RBFOX1: variants seen among roughly 807,000 people sequenced by gnomAD.
RBFOX1 encodes RNA binding fox-1 homolog 1, also known as RNA binding protein fox-1 homolog 1.
Under a neutral mutation model 57.7 loss-of-function variants are expected in RBFOX1, and 8 were observed. The ratio of observed to expected loss-of-function variants is 0.14; its 90% CI spans 0.08 to 0.25. The LOEUF (loss-of-function observed/expected upper bound fraction) is 0.25, where lower values mean the gene tolerates loss of function less well. RBFOX1 is among the 10% of genes least tolerant of loss of function. The pLI is 1.00. For synonymous variants in RBFOX1, 326 were observed against 222.4 expected (o/e 1.47, Z -4.15); for missense variants, 611 against 548.5 (o/e 1.11, Z -1.14).
chr16:5,526,921 C>G (rs2044272004), intron 2 of RBFOX1, among the ~76,000 whole-genome samples: 1 of 152,214 alleles, frequency 6.6e-6, no homozygotes, highest in Non-Finnish European at 1.5e-5. Context: ...GCCTCTCTAA[C>G]CCTTGGTTTC....
chr16:6,770,328 A>G (rs1227484879), intron 3 of RBFOX1, among the ~76,000 whole-genome samples: 2 of 152,170 alleles, frequency 1.3e-5, no homozygotes, highest in East Asian at 1.9e-4. Context: ...CAAATAATGT[A>G]TTTAATGCAA....
intron 4 of RBFOX1, among the ~76,000 whole-genome samples, chr16:7,509,183 A>G (rs928515009): frequency 6.6e-6 from 1 of 152,220 alleles, no homozygotes; most frequent in African/African-American, 2.4e-5. Flanking sequence ...GAAAGGAGAA[A>G]GCAAGACCCC....
At position 6,579,179 on chromosome 16, in the gene RBFOX1, T is replaced by C. The variant is rs969708592; in HGVS notation, c.-63-75424T>C. Reference sequence around the variant, plus strand: ...GCCAAGCTGTTCATGCTTAGTTCTGTTTTTGTTTTGTTTTCTTTTTTGTTA... The same window carrying C: ...GCCAAGCTGTTCATGCTTAGTTCTGCTTTTGTTTTGTTTTCTTTTTTGTTA... On this transcript the variant is annotated intron_variant, in intron 2 of 15. Coordinates refer to ENST00000550418, the MANE Select transcript of RBFOX1 (RefSeq NM_018723.4). 4.6e-5 allele frequency among the ~76,000 whole-genome samples: 7 copies of C among 152,260 alleles called. No homozygotes were observed. In the South Asian group the frequency reaches 1.4e-3, roughly 32 times the overall value.
intron 3 of RBFOX1, among the ~76,000 whole-genome samples, chr16:6,907,666 G>C (rs897053526): frequency 6.6e-6 from 1 of 152,156 alleles, no homozygotes; most frequent in Non-Finnish European, 1.5e-5. Context: ...TGCCTCCTGG[G>C]TTCAAGCAAT....
At chr16:6,866,846 G>T (rs1304295679) in intron 3 of RBFOX1, among the ~76,000 whole-genome samples, 3 of 151,964 alleles carry the variant, frequency 2.0e-5, no homozygotes, top group South Asian at 2.1e-4. Flanking sequence ...CCAGCTAAAG[G>T]TTAGGGTTTT....
At chr16:6,556,481 G>A (rs1452061768) in intron 2 of RBFOX1, among the ~76,000 whole-genome samples, 1 of 152,126 alleles carries the variant, frequency 6.6e-6, no homozygotes, top group Non-Finnish European at 1.5e-5. Flanking sequence ...CGCCTCTGAG[G>A]TCTCATTTGT....
intron 4 of RBFOX1, among the ~76,000 whole-genome samples, chr16:5,918,096 A>T (rs2058747787): frequency 6.6e-6 from 1 of 152,262 alleles, no homozygotes; most frequent in African/African-American, 2.4e-5. Flanking sequence ...AGTTCTCTTA[A>T]CACAACTGCA....
rs141234330 is a variant in RBFOX1 at position 6,970,150 on chromosome 16, C to T, written c.-15-81907C>T. ...CTATGATGGTGTCACTGCATTCCAG[C>T]CTGGGCAACAGAACAAGACTCTGGG... On this transcript the variant is annotated intron_variant, in intron 3 of 15. Coordinates refer to ENST00000550418, the MANE Select transcript of RBFOX1 (RefSeq NM_018723.4). Among the ~76,000 whole-genome samples, 43 of 151,772 alleles carry T rather than the reference C, an allele frequency of 2.8e-4. 1 individual carries two copies. The highest frequency in any genetic ancestry group is 1.6e-3 in the Admixed American group (25 of 15,212).
At chr16:5,339,915 A>G (rs1222385639) in intron 1 of RBFOX1, among the ~76,000 whole-genome samples, 1 of 152,096 alleles carries the variant, frequency 6.6e-6, no homozygotes, top group Non-Finnish European at 1.5e-5. Context: ...CCCGTTCCCA[A>G]AGCTTGGGTG....
chr16:6,792,402 T>C (rs1233707202), intron 3 of RBFOX1, among the ~76,000 whole-genome samples: 1 of 152,226 alleles, frequency 6.6e-6, no homozygotes, highest in Non-Finnish European at 1.5e-5. Flanking sequence ...TTTTTTGATT[T>C]AGCAAATAGG....
At chr16:5,949,579 A>G (rs1177367812) in intron 4 of RBFOX1, among the ~76,000 whole-genome samples, 2 of 151,332 alleles carry the variant, frequency 1.3e-5, no homozygotes, top group African/African-American at 4.9e-5. Context: ...AAGATAATAC[A>G]TTGCATTTGG....
intron 2 of RBFOX1, among the ~76,000 whole-genome samples, chr16:5,548,988 A>G (rs571924382): frequency 1.5e-4 from 23 of 152,190 alleles, no homozygotes; most frequent in Non-Finnish European, 2.6e-4. Context: ...AGATAAGGTG[A>G]TTTTATTGGA....
At chr16:7,329,913 T>C (rs746000008) in intron 4 of RBFOX1, among the ~76,000 whole-genome samples, 18 of 152,204 alleles carry the variant, frequency 1.2e-4, no homozygotes, top group Non-Finnish European at 2.5e-4. Context: ...GATTCTTTTA[T>C]ATATAAGCAT....
At chr16:5,652,363 G>T (rs2049269958) in intron 3 of RBFOX1, among the ~76,000 whole-genome samples, 1 of 152,234 alleles carries the variant, frequency 6.6e-6, no homozygotes, top group Non-Finnish European at 1.5e-5. Context: ...GATCTTGGAA[G>T]TGAATGCAGA....
At chr16:5,470,202 T>C (rs1352721577) in intron 2 of RBFOX1, among the ~76,000 whole-genome samples, 1 of 152,218 alleles carries the variant, frequency 6.6e-6, no homozygotes, top group Admixed American at 6.5e-5. Flanking sequence ...CCACCCACCA[T>C]GCTGTCCTGC....
chr16:6,268,011 T>A (rs1212884826), intron 1 of RBFOX1, among the ~76,000 whole-genome samples: 1 of 152,214 alleles, frequency 6.6e-6, no homozygotes, highest in African/African-American at 2.4e-5. Flanking sequence ...ACTTTGTTAT[T>A]AAATTCTCAT....
chr16:6,308,654 T>C (rs1027461006), intron 1 of RBFOX1, among the ~76,000 whole-genome samples: 1 of 152,174 alleles, frequency 6.6e-6, no homozygotes, highest in Non-Finnish European at 1.5e-5. Context: ...AGGCAGTTTT[T>C]TGGGGAAATG....
intron 3 of RBFOX1, among the ~76,000 whole-genome samples, chr16:5,755,796 C>T (rs992831412): frequency 6.6e-6 from 1 of 152,034 alleles, no homozygotes; most frequent in African/African-American, 2.4e-5. Context: ...TGGGGTTTCA[C>T]CATGTTGGTC....
At chr16:7,233,885 C>G (rs1253293918) in intron 4 of RBFOX1, among the ~76,000 whole-genome samples, 2 of 152,188 alleles carry the variant, frequency 1.3e-5, no homozygotes, top group East Asian at 3.9e-4. Context: ...AAAAGTCAAT[C>G]ACCACTCAAC....
Sources: allele counts gnomAD v4.1 joint callset (sites outside exome capture counted in the v4.1 genomes callset), GRCh38; gene constraint gnomAD v4.1.1; transcripts MANE v1.5; gene names NCBI Gene and HGNC (gene_info 2026-07-23, HGNC 2026-07-21).